The following BMPR1B variants were observed in gnomAD, a reference collection of about 807,000 sequenced individuals.
BMPR1B encodes bone morphogenetic protein receptor type-1B.
In BMPR1B, 12 loss-of-function variants were observed where a neutral mutation model predicts 59.1. The ratio of observed to expected loss-of-function variants is 0.20; its 90% CI spans 0.13 to 0.33. BMPR1B has a LOEUF of 0.33. Among genes scored for constraint, BMPR1B ranks in the 10% least tolerant of loss-of-function variants. BMPR1B has a pLI of 1.00. For missense variants in BMPR1B, 550 were observed against 610.9 expected, an observed-to-expected ratio of 0.90 and a Z score of 1.05; for synonymous variants, 237 against 207.3, an observed-to-expected ratio of 1.14 and a Z score of -1.23.
At chr4:94,969,200 A>G (rs1730679696) in intron 2 of BMPR1B, among the ~76,000 whole-genome samples, 1 of 151,808 alleles carries the variant, frequency 6.6e-6, no homozygotes, top group Admixed American at 6.6e-5. Context: ...ACACCTGGCT[A>G]ATTTTTTTGT....
At chr4:95,000,945 T>C (rs1434268660) in intron 3 of BMPR1B, among the ~76,000 whole-genome samples, 2 of 152,212 alleles carry the variant, frequency 1.3e-5, no homozygotes, top group Non-Finnish European at 1.5e-5. Context: ...AAATTAATTA[T>C]GGAAGTGGGA....
At chr4:94,999,791 T>C (rs1360790429) in intron 3 of BMPR1B, among the ~76,000 whole-genome samples, 1 of 152,176 alleles carries the variant, frequency 6.6e-6, no homozygotes, top group Non-Finnish European at 1.5e-5. Context: ...TTTCATTTAC[T>C]GGGGCAGAGA....
At chr4:94,902,998 G>A (rs1727889871) in intron 2 of BMPR1B, among the ~76,000 whole-genome samples, 1 of 152,008 alleles carries the variant, frequency 6.6e-6, no homozygotes, top group Admixed American at 6.6e-5. Flanking sequence ...GTAATGCTTG[G>A]CACATAGCAG....
At chr4:94,829,010 C>T (rs920527380) in intron 1 of BMPR1B, among the ~76,000 whole-genome samples, 1 of 150,696 alleles carries the variant, frequency 6.6e-6, no homozygotes, top group Non-Finnish European at 1.5e-5. Context: ...AAAGATAATG[C>T]ATTCTTGCCA....
At chr4:94,880,487 A>G (rs1174475371) in intron 2 of BMPR1B, among the ~76,000 whole-genome samples, 1 of 151,796 alleles carries the variant, frequency 6.6e-6, no homozygotes, top group African/African-American at 2.4e-5. Flanking sequence ...ACCTTGGAGT[A>G]ATTTTGTTTT....
chr4:95,035,364 C>T (rs956619584), intron 3 of BMPR1B, among the ~76,000 whole-genome samples: 1 of 152,090 alleles, frequency 6.6e-6, no homozygotes, highest in African/African-American at 2.4e-5. Context: ...AAGCCAATGT[C>T]TAGGAGAGTT....
chr4:94,801,990 A>G (rs1329711300), intron 1 of BMPR1B, among the ~76,000 whole-genome samples: 1 of 152,184 alleles, frequency 6.6e-6, no homozygotes. Flanking sequence ...GGATTCTGTT[A>G]TTTCACTTTA....
At chr4:94,841,018 T>A (rs1190428133) in intron 1 of BMPR1B, among the ~76,000 whole-genome samples, 1 of 147,368 alleles carries the variant, frequency 6.8e-6, no homozygotes, top group Non-Finnish European at 1.5e-5. Flanking sequence ...TGGAGTACCC[T>A]GCCGTGTGAG....
chr4:94,953,251 C>G (rs765137527), intron 2 of BMPR1B, among the ~76,000 whole-genome samples: 30 of 152,082 alleles, frequency 2.0e-4, no homozygotes, highest in Admixed American at 1.9e-3. Flanking sequence ...GGGCATTTAG[C>G]CCATTTACAT....
At chr4:94,824,238 A>T (rs991550047) in intron 1 of BMPR1B, among the ~76,000 whole-genome samples, 1 of 152,214 alleles carries the variant, frequency 6.6e-6, no homozygotes, top group African/African-American at 2.4e-5. Context: ...GCACTTTCCC[A>T]TGCATCCATT....
At chr4:95,032,331 T>G (rs1724929120) in intron 3 of BMPR1B, among the ~76,000 whole-genome samples, 1 of 151,984 alleles carries the variant, frequency 6.6e-6, no homozygotes, top group African/African-American at 2.4e-5. Flanking sequence ...TGGTTTCTCT[T>G]CCACTTCTTA....
At chr4:94,950,564 T>G (rs1462472726) in intron 2 of BMPR1B, among the ~76,000 whole-genome samples, 1 of 152,154 alleles carries the variant, frequency 6.6e-6, no homozygotes, top group Non-Finnish European at 1.5e-5. Context: ...CCCCATTGCT[T>G]GTTTTTGTCA....
At chr4:94,801,487 A>G (rs1435647760) in intron 1 of BMPR1B, among the ~76,000 whole-genome samples, 3 of 152,134 alleles carry the variant, frequency 2.0e-5, no homozygotes. Context: ...TCCCTACCAT[A>G]TCTTCTGGAA....
intron 3 of BMPR1B, among the ~76,000 whole-genome samples, chr4:95,039,363 T>C (rs1725484609): frequency 6.6e-6 from 1 of 152,112 alleles, no homozygotes; most frequent in Admixed American, 6.5e-5. Flanking sequence ...CTGGTGTCTC[T>C]GTGCTGTGAA....
intron 1 of BMPR1B, among the ~76,000 whole-genome samples, chr4:94,863,032 C>T (rs13140369): frequency 0.04 from 6,073 of 151,342 alleles, 179 homozygotes; most frequent in Non-Finnish European, 0.066. Flanking sequence ...GCGGAAGAAT[C>T]GCTTGACCTG....
At chr4:94,980,507 G>A (rs1412533276) in intron 2 of BMPR1B, among the ~76,000 whole-genome samples, 1 of 152,092 alleles carries the variant, frequency 6.6e-6, no homozygotes, top group Non-Finnish European at 1.5e-5. Flanking sequence ...TTCTCCCCAT[G>A]TCCGTGTGGG....
chr4:94,942,020 A>C (rs553442386), intron 2 of BMPR1B, among the ~76,000 whole-genome samples: 1 of 152,360 alleles, frequency 6.6e-6, no homozygotes, highest in Admixed American at 6.5e-5. Flanking sequence ...GCACAGGCAA[A>C]AGACCAGAAG....
At chr4:94,863,524 GAAAGGTGAAGAAAA>G (rs2148959478) in intron 1 of BMPR1B, among the ~76,000 whole-genome samples, 1 of 152,294 alleles carries the variant, frequency 6.6e-6, no homozygotes, top group Non-Finnish European at 1.5e-5. Context: ...TGTTCAAAGT[GAAAGGTGAAGAAAA>G]TAGCCCTCTG....
At chr4:94,942,341 A>G (rs965941414) in intron 2 of BMPR1B, among the ~76,000 whole-genome samples, 1 of 152,218 alleles carries the variant, frequency 6.6e-6, no homozygotes, top group Non-Finnish European at 1.5e-5. Flanking sequence ...ATGTCTTTAT[A>G]TAATTTCTTT....
Sources: gnomAD v4.1 joint callset for allele counts (sites outside exome capture counted in the v4.1 genomes callset) on GRCh38, gnomAD v4.1.1 for gene constraint, MANE v1.5 for transcripts, NCBI Gene and HGNC (gene_info 2026-07-23, HGNC 2026-07-21) for gene names.